GRM5: variants seen among roughly 807,000 people sequenced by gnomAD.
GRM5 encodes glutamate metabotropic receptor 5.
GRM5 carries 19 observed loss-of-function variants against 83.1 expected under a neutral mutation model. The observed-to-expected ratio is 0.23, with a 90% CI of 0.16 to 0.34. The LOEUF (loss-of-function observed/expected upper bound fraction) is 0.34, where lower values mean the gene tolerates loss of function less well. GRM5 is among the 10% of genes least tolerant of loss of function. The pLI is 1.00. For missense variants in GRM5, 1,160 were observed against 1,588.3 expected, an observed-to-expected ratio of 0.73 and a Z score of 4.58; for synonymous variants, 675 against 633.6, an observed-to-expected ratio of 1.07 and a Z score of -0.98.
At chr11:88,903,564 C>T (rs1238951032) in intron 2 of GRM5, among the ~76,000 whole-genome samples, 1 of 152,046 alleles carries the variant, frequency 6.6e-6, no homozygotes, top group African/African-American at 2.4e-5. Flanking sequence ...TACTATTCAG[C>T]CATTAAAAAG....
intron 2 of GRM5, among the ~76,000 whole-genome samples, chr11:89,015,617 G>A (rs1940832886): frequency 6.6e-6 from 1 of 152,264 alleles, no homozygotes; most frequent in South Asian, 2.1e-4. Context: ...GCTACACAGA[G>A]TGAAACACTT....
At chr11:88,958,428 A>C (rs1590997151) in intron 2 of GRM5, among the ~76,000 whole-genome samples, 1 of 151,940 alleles carries the variant, frequency 6.6e-6, no homozygotes, top group East Asian at 1.9e-4. Context: ...AATTACAAAA[A>C]CAACTTGTTC....
At chr11:88,809,625 A>G (rs901918120) in intron 3 of GRM5, among the ~76,000 whole-genome samples, 1 of 152,104 alleles carries the variant, frequency 6.6e-6, no homozygotes, top group Non-Finnish European at 1.5e-5. Flanking sequence ...GATAATAAAC[A>G]TACACTTGGG....
At chr11:88,955,534 A>G (rs1362975824) in intron 2 of GRM5, among the ~76,000 whole-genome samples, 3 of 152,236 alleles carry the variant, frequency 2.0e-5, no homozygotes, top group Admixed American at 2.0e-4. Context: ...ATAATTTGCC[A>G]TATTTATTTC....
intron 9 of GRM5, 60 bp from the exon 10 acceptor site, chr11:88,509,564 G>T: frequency 7.7e-7 from 1 of 1,301,958 alleles, no homozygotes; most frequent in South Asian, 1.2e-5. Flanking sequence ...CTTGGATGCC[G>T]CTTCCCCAAT....
intron 2 of GRM5, among the ~76,000 whole-genome samples, chr11:88,855,072 T>C (rs1301190363): frequency 6.6e-6 from 1 of 151,812 alleles, no homozygotes; most frequent in Non-Finnish European, 1.5e-5. Flanking sequence ...AATTTATCAA[T>C]CTCGTGTGGT....
intron 2 of GRM5, among the ~76,000 whole-genome samples, chr11:88,955,628 T>G (rs1938586079): frequency 6.6e-6 from 1 of 152,240 alleles, no homozygotes; most frequent in East Asian, 1.9e-4. Flanking sequence ...GATCATACCT[T>G]GTTCCGTCCT....
intron 2 of GRM5, among the ~76,000 whole-genome samples, chr11:88,993,039 AAAAAT>A (rs1940038149): frequency 6.6e-6 from 1 of 150,824 alleles, no homozygotes; most frequent in South Asian, 2.1e-4. Context: ...AAAATAATAA[AAAAAT>A]AAAAAATAAA....
At chr11:88,991,539 G>A (rs1269302253) in intron 2 of GRM5, among the ~76,000 whole-genome samples, 2 of 150,720 alleles carry the variant, frequency 1.3e-5, no homozygotes, top group Non-Finnish European at 3.0e-5. Flanking sequence ...AACCAAAAAA[G>A]AGCCTGCATC....
At chr11:89,014,938 T>C (rs1291823258) in intron 2 of GRM5, among the ~76,000 whole-genome samples, 1 of 152,220 alleles carries the variant, frequency 6.6e-6, no homozygotes, top group Non-Finnish European at 1.5e-5. Flanking sequence ...CGTGTTCAAG[T>C]GAGCTGCACT....
chr11:88,613,478 T>G (rs1938383685), intron 4 of GRM5, among the ~76,000 whole-genome samples: 1 of 152,136 alleles, frequency 6.6e-6, no homozygotes, highest in Admixed American at 6.6e-5. Flanking sequence ...TTTAAAAAAT[T>G]ATCGTTGGTT....
intron 2 of GRM5, among the ~76,000 whole-genome samples, chr11:88,851,219 G>A (rs1476737190): frequency 2.0e-5 from 3 of 152,046 alleles, no homozygotes; most frequent in Non-Finnish European, 2.9e-5. Context: ...AACATTTTAA[G>A]GCTCTATATT....
At chr11:88,880,058 AGAG>A (rs1944926459) in intron 2 of GRM5, among the ~76,000 whole-genome samples, 1 of 152,058 alleles carries the variant, frequency 6.6e-6, no homozygotes, top group Non-Finnish European at 1.5e-5. Context: ...GAAAGACTGG[AGAG>A]GAGATGGTAT....
chr11:88,862,387 T>C (rs1269287570), intron 2 of GRM5, among the ~76,000 whole-genome samples: 4 of 152,158 alleles, frequency 2.6e-5, no homozygotes, highest in Non-Finnish European at 5.9e-5. Context: ...GCAAACTTTA[T>C]TGTTTTTTGG....
chr11:88,664,671 T>C (rs1939993755), intron 3 of GRM5, among the ~76,000 whole-genome samples: 1 of 152,070 alleles, frequency 6.6e-6, no homozygotes. Flanking sequence ...GGTCTCGAAC[T>C]CCTGACCTCA....
intron 2 of GRM5, among the ~76,000 whole-genome samples, chr11:88,980,635 A>G (rs1053691504): frequency 6.6e-6 from 1 of 152,130 alleles, no homozygotes; most frequent in Non-Finnish European, 1.5e-5. Context: ...ATCCTGGCTA[A>G]CATGGTGAGC....
intron 2 of GRM5, among the ~76,000 whole-genome samples, chr11:88,908,246 C>G (rs1173021752): frequency 6.6e-6 from 1 of 152,030 alleles, no homozygotes; most frequent in Non-Finnish European, 1.5e-5. Flanking sequence ...TGTCTTCTAC[C>G]TAGGAACTGT....
chr11:88,787,421 A>G (rs1326309161), intron 3 of GRM5, among the ~76,000 whole-genome samples: 1 of 152,120 alleles, frequency 6.6e-6, no homozygotes, highest in African/African-American at 2.4e-5. Flanking sequence ...GCCACACCAT[A>G]CAAGGTTGTA....
At position 88,505,978 on chromosome 11, in the gene GRM5, A is replaced by G. The variant is rs1226576671; in HGVS notation, c.*2614T>C. ...TTGGCAAAGAGACAGAGTTAGCATC[A>G]TTCCAAAATAAAAGATCTCAAGAAT... On this transcript the variant is annotated 3_prime_UTR_variant, in exon 10 of 10. Coordinates refer to ENST00000305447, the MANE Select transcript of GRM5 (RefSeq NM_001143831.3). The G allele has an allele frequency of 6.6e-6, 1 of 152,224 alleles. No homozygotes were observed. The highest frequency in any genetic ancestry group is 1.5e-5 in the Non-Finnish European group (1 of 68,028). The allele number at this position is 152,224 out of a possible 1,614,324, so 9.4% of individuals were successfully genotyped here. A position where few individuals can be genotyped will look rare whatever the true frequency, so the allele number is the denominator to read the frequency against.
Sources: gnomAD v4.1 joint callset for allele counts (sites outside exome capture counted in the v4.1 genomes callset) on GRCh38, gnomAD v4.1.1 for gene constraint, MANE v1.5 for transcripts, NCBI Gene and HGNC (gene_info 2026-07-23, HGNC 2026-07-21) for gene names.